EYS: variants seen among roughly 807,000 people sequenced by gnomAD.
EYS encodes EGF-like photoreceptor maintenance factor.
In EYS, 250 loss-of-function variants were observed where a neutral mutation model predicts 282.1. The observed-to-expected ratio is 0.89, with a 90% CI of 0.80 to 0.98. The LOEUF (loss-of-function observed/expected upper bound fraction) is 0.98. EYS is among the 50% of genes least tolerant of loss of function. EYS has a pLI of 0.00. For missense variants in EYS, 4,016 were observed against 3,709.0 expected, an observed-to-expected ratio of 1.08 and a Z score of -2.15; for synonymous variants, 1,355 against 1,282.9, an observed-to-expected ratio of 1.06 and a Z score of -1.20.
At chr6:64,853,234 G>C (rs750593754) in intron 19 of EYS, among the ~76,000 whole-genome samples, 2 of 152,044 alleles carry the variant, frequency 1.3e-5, no homozygotes, top group African/African-American at 4.8e-5. Flanking sequence ...AGAAAGAGAA[G>C]TATACTCTTG....
At chr6:65,261,698 C>G (rs1321606235) in intron 12 of EYS, among the ~76,000 whole-genome samples, 1 of 152,022 alleles carries the variant, frequency 6.6e-6, no homozygotes, top group Non-Finnish European at 1.5e-5. Flanking sequence ...TATTCTAAAT[C>G]TATACTGCTT....
chr6:64,249,026 T>C (rs1285825207), intron 30 of EYS, among the ~76,000 whole-genome samples: 2 of 133,080 alleles, frequency 1.5e-5, no homozygotes, highest in African/African-American at 6.1e-5. Flanking sequence ...ATCACGCCAC[T>C]GCACTCCAGC....
chr6:64,678,238 A>G (rs1480322688), intron 22 of EYS, among the ~76,000 whole-genome samples: 1 of 151,878 alleles, frequency 6.6e-6, no homozygotes, highest in Non-Finnish European at 1.5e-5. Context: ...TATTTTTGAT[A>G]CTCAAAAGCT....
At chr6:63,799,744 C>A (rs1003751709) in intron 37 of EYS, among the ~76,000 whole-genome samples, 2 of 152,110 alleles carry the variant, frequency 1.3e-5, no homozygotes, top group Admixed American at 1.3e-4. Flanking sequence ...AATGACAAAA[C>A]AGTATTTAAT....
At chr6:64,662,902 T>C (rs1769093885) in intron 22 of EYS, among the ~76,000 whole-genome samples, 1 of 152,172 alleles carries the variant, frequency 6.6e-6, no homozygotes. Context: ...CACCCCATTT[T>C]TGAGAATTAC....
intron 2 of EYS, among the ~76,000 whole-genome samples, chr6:65,610,234 G>T (rs1038076893): frequency 2.6e-5 from 4 of 151,738 alleles, no homozygotes; most frequent in African/African-American, 9.7e-5. Flanking sequence ...TTTGTTGGTG[G>T]TTTTTCTTTT....
At chr6:65,345,754 AT>A (rs1490396360) in intron 9 of EYS, among the ~76,000 whole-genome samples, 3 of 151,786 alleles carry the variant, frequency 2.0e-5, no homozygotes, top group Non-Finnish European at 2.9e-5. Context: ...AAAACAGAGA[AT>A]TAAAAAAATA....
rs372578634 is a variant in EYS, at chr6:64,136,791, G to GA, written c.6425-54790dup. On this transcript the variant is annotated intron_variant, in intron 31 of 42. Transcript: ENST00000503581. ...TCTAGGCTTTGTTCTTCCATTTCTAGAGAACAGACAGAGTAGATTTAATAT... is the reference window on the plus strand; with the variant it reads ...TCTAGGCTTTGTTCTTCCATTTCTAGAAGAACAGACAGAGTAGATTTAATAT... Among the ~76,000 whole-genome samples the GA allele has an allele frequency of 4.0e-3, 603 of 152,164 alleles. 2 individuals carry two copies. Among genetic ancestry groups the GA allele is most frequent in the Middle Eastern group, 0.024 (7 of 292 alleles).
intron 22 of EYS, among the ~76,000 whole-genome samples, chr6:64,789,938 C>T (rs570633363): frequency 1.3e-5 from 2 of 151,410 alleles, no homozygotes; most frequent in Non-Finnish European, 1.5e-5. Context: ...GAATAATCTT[C>T]GTTATAACTA....
intron 19 of EYS, among the ~76,000 whole-genome samples, chr6:64,870,910 G>A (rs1200236135): frequency 2.0e-5 from 3 of 151,800 alleles, no homozygotes; most frequent in African/African-American, 7.2e-5. Context: ...AATAAAGTTT[G>A]AAGAAAAGTG....
At chr6:65,378,647 A>G (rs1440377929) in intron 8 of EYS, among the ~76,000 whole-genome samples, 1 of 152,314 alleles carries the variant, frequency 6.6e-6, no homozygotes, top group African/African-American at 2.4e-5. Context: ...ATGCCCATCA[A>G]TGATAGACTG....
intron 28 of EYS, among the ~76,000 whole-genome samples, chr6:64,421,502 A>T (rs933994029): frequency 6.6e-6 from 1 of 152,142 alleles, no homozygotes; most frequent in Non-Finnish European, 1.5e-5. Flanking sequence ...ATCAAGCAGA[A>T]ATAAATGTTA....
intron 22 of EYS, among the ~76,000 whole-genome samples, chr6:64,712,172 A>G (rs1771236581): frequency 6.6e-6 from 1 of 152,220 alleles, no homozygotes; most frequent in African/African-American, 2.4e-5. Flanking sequence ...TCAATTCCAT[A>G]ACAGAAAAAG....
chr6:63,880,045 G>T (rs990187665), intron 35 of EYS, among the ~76,000 whole-genome samples: 1 of 152,000 alleles, frequency 6.6e-6, no homozygotes, highest in Non-Finnish European at 1.5e-5. Context: ...CATTCTACTG[G>T]GGCTCAAATT....
chr6:65,302,091 G>T (rs1197336842), intron 11 of EYS, among the ~76,000 whole-genome samples: 2 of 152,196 alleles, frequency 1.3e-5, no homozygotes, highest in South Asian at 2.1e-4. Flanking sequence ...ATCTTTAAAT[G>T]AACTCTTTTT....
At chr6:64,663,965 C>T (rs969444769) in intron 22 of EYS, among the ~76,000 whole-genome samples, 6 of 152,156 alleles carry the variant, frequency 3.9e-5, no homozygotes, top group African/African-American at 7.2e-5. Flanking sequence ...AGAATAATGG[C>T]GAGCCTCTAG....
chr6:65,292,944 A>G (rs1398001901), intron 12 of EYS, among the ~76,000 whole-genome samples: 1 of 151,718 alleles, frequency 6.6e-6, no homozygotes, highest in Admixed American at 6.6e-5. Context: ...TTGTATCAGA[A>G]AAGGAGTTTG....
intron 35 of EYS, among the ~76,000 whole-genome samples, chr6:63,933,272 TC>T (rs1422830637): frequency 1.3e-5 from 2 of 152,238 alleles, no homozygotes; most frequent in South Asian, 4.1e-4. Flanking sequence ...TCACTCTGTC[TC>T]CCAGGCTGGA....
chr6:64,431,756 C>G (rs923449996), intron 28 of EYS, among the ~76,000 whole-genome samples: 1 of 152,098 alleles, frequency 6.6e-6, no homozygotes, highest in Non-Finnish European at 1.5e-5. Flanking sequence ...TCATTCCTTC[C>G]TACCTAAATA....
Sources: gnomAD v4.1 joint callset for allele counts (sites outside exome capture counted in the v4.1 genomes callset) on GRCh38, gnomAD v4.1.1 for gene constraint, MANE v1.5 for transcripts, NCBI Gene and HGNC (gene_info 2026-07-23, HGNC 2026-07-21) for gene names.